Variants in NPAS3 observed in about 807,000 individuals in gnomAD.
NPAS3 encodes neuronal PAS domain-containing protein 3.
Under a neutral mutation model 73.1 loss-of-function variants are expected in NPAS3, and 14 were observed. The ratio of observed to expected loss-of-function variants is 0.19; its 90% CI spans 0.13 to 0.30. The LOEUF is 0.30. Ranked by LOEUF, NPAS3 falls within the 10% of genes least tolerant of loss-of-function variation. The probability of loss-of-function intolerance (pLI) is 1.00; values close to 1 mark genes in which losing one functional copy is unlikely to be tolerated. For synonymous variants in NPAS3, 620 were observed against 541.5 expected (o/e 1.14, Z -2.01); for missense variants, 1,096 against 1,250.0 (o/e 0.88, Z 1.86).
chr14:33,663,639 C>T (rs1218675402), intron 5 of NPAS3, among the ~76,000 whole-genome samples: 1 of 151,970 alleles, frequency 6.6e-6, no homozygotes, highest in Non-Finnish European at 1.5e-5. Context: ...CTCTTTGTAC[C>T]TCTGGTAGAA....
chr14:33,647,117 G>T (rs2058851124), intron 5 of NPAS3, among the ~76,000 whole-genome samples: 1 of 152,034 alleles, frequency 6.6e-6, no homozygotes, highest in Non-Finnish European at 1.5e-5. Context: ...ATGTCCTTAG[G>T]CTCAACTGTG....
chr14:33,730,247 C>T (rs940994351), intron 6 of NPAS3, among the ~76,000 whole-genome samples: 1 of 152,098 alleles, frequency 6.6e-6, no homozygotes, highest in African/African-American at 2.4e-5. Context: ...ACTGTAAGAA[C>T]AGTATATTGG....
At chr14:33,176,171 C>A (rs2045582512) in intron 2 of NPAS3, among the ~76,000 whole-genome samples, 1 of 151,920 alleles carries the variant, frequency 6.6e-6, no homozygotes, top group South Asian at 2.1e-4. Flanking sequence ...AGAGAACAAC[C>A]AAAAAAACTA....
chr14:33,375,647 A>G (rs1224641976), intron 4 of NPAS3, among the ~76,000 whole-genome samples: 1 of 152,188 alleles, frequency 6.6e-6, no homozygotes, highest in African/African-American at 2.4e-5. Flanking sequence ...ATGAAAAAGA[A>G]AAGTAGAAAT....
intron 9 of NPAS3, among the ~76,000 whole-genome samples, chr14:33,790,191 T>C (rs1387411900): frequency 6.6e-6 from 1 of 152,242 alleles, no homozygotes; most frequent in Non-Finnish European, 1.5e-5. Context: ...CTATCTCTTT[T>C]CAAGGGACAA....
At chr14:32,939,281 G>A (rs1383989221), upstream of NPAS3, 9 of 708,122 alleles carry the variant, frequency 1.3e-5, no homozygotes, top group Non-Finnish European at 2.2e-5. Flanking sequence ...GGGGGAGAGA[G>A]GCAAAAAGTA....
chr14:33,375,321 G>T (rs1279579087), intron 4 of NPAS3, among the ~76,000 whole-genome samples: 1 of 152,122 alleles, frequency 6.6e-6, no homozygotes, highest in Non-Finnish European at 1.5e-5. Context: ...TGCCTCTACA[G>T]GGATTTTTCA....
intron 3 of NPAS3, among the ~76,000 whole-genome samples, chr14:33,242,119 T>G (rs2139834068): frequency 6.6e-6 from 1 of 152,046 alleles, no homozygotes; most frequent in East Asian, 1.9e-4. Context: ...TTTGGCTATC[T>G]TATGATTCTT....
At chr14:33,722,550 G>A (rs1427286243) in intron 6 of NPAS3, among the ~76,000 whole-genome samples, 1 of 152,106 alleles carries the variant, frequency 6.6e-6, no homozygotes, top group African/African-American at 2.4e-5. Context: ...TTATAATGAT[G>A]AAGCCTTGTT....
intron 1 of NPAS3, among the ~76,000 whole-genome samples, chr14:33,023,507 G>A (rs541553434): frequency 6.6e-6 from 1 of 152,042 alleles, no homozygotes; most frequent in South Asian, 2.1e-4. Flanking sequence ...AGATCTGTAG[G>A]CTGTTAACAA....
At chr14:33,527,564 A>G (rs1273854588) in intron 4 of NPAS3, among the ~76,000 whole-genome samples, 2 of 152,162 alleles carry the variant, frequency 1.3e-5, no homozygotes, top group Admixed American at 6.6e-5. Context: ...CACACCCGTT[A>G]TGAGTTACTG....
At chr14:33,664,922 G>GCCACACTGTC (rs1264594113) in intron 5 of NPAS3, among the ~76,000 whole-genome samples, 69 of 152,286 alleles carry the variant, frequency 4.5e-4, no homozygotes, top group African/African-American at 1.6e-3. Flanking sequence ...GTGTAAACTC[G>GCCACACTGTC]TTCAACCATT....
chr14:33,765,081 C>A (rs1346766821), intron 7 of NPAS3, among the ~76,000 whole-genome samples: 2 of 152,064 alleles, frequency 1.3e-5, no homozygotes, highest in African/African-American at 4.8e-5. Context: ...GAACAGGAAG[C>A]TAATGGGGGG....
chr14:32,935,052 G>T (rs2035654283), upstream of NPAS3: 2 of 1,158,754 alleles, frequency 1.7e-6, no homozygotes, highest in Admixed American at 4.0e-5. Flanking sequence ...CCGGGGTGCT[G>T]GGGTGGGACT....
rs144201654 is a variant in NPAS3 at position 33,219,109 on chromosome 14, A to T, written c.385+3683A>T. ...ATTCAAGAAATGACCAGGCATTCTC[A>T]GCAGTGTTTCAGCTAAATAACTGAT... On this transcript the variant is annotated intron_variant, in intron 3 of 11. Coordinates refer to ENST00000356141, the Ensembl canonical transcript of NPAS3. Among the ~76,000 whole-genome samples the T allele has an allele frequency of 5.4e-4, 83 of 152,352 alleles. 1 individual carries two copies. Among genetic ancestry groups the T allele is most frequent in the African/African-American group, 1.9e-3 (79 of 41,596 alleles).
chr14:33,733,313 G>GAA (rs58483708), intron 6 of NPAS3, among the ~76,000 whole-genome samples: 1 of 139,978 alleles, frequency 7.1e-6, no homozygotes, highest in South Asian at 2.3e-4. Flanking sequence ...TCCTTGGGAG[G>GAA]AAAAAAAAAA....
At chr14:33,151,805 CTATA>C (rs2044454402) in intron 2 of NPAS3, among the ~76,000 whole-genome samples, 1 of 151,998 alleles carries the variant, frequency 6.6e-6, no homozygotes, top group South Asian at 2.1e-4. Context: ...TGGAAAGAGA[CTATA>C]TAATAAAAAT....
chr14:33,657,285 AGAG>A (rs1231867406), intron 5 of NPAS3, among the ~76,000 whole-genome samples: 2 of 152,188 alleles, frequency 1.3e-5, no homozygotes, highest in Non-Finnish European at 2.9e-5. Flanking sequence ...AGGGTCCCAG[AGAG>A]GAGAGAGGCC....
chr14:33,758,271 G>T (rs1036318864), intron 7 of NPAS3, among the ~76,000 whole-genome samples: 8 of 152,144 alleles, frequency 5.3e-5, no homozygotes, highest in Admixed American at 4.6e-4. Flanking sequence ...CTGTGCTTTT[G>T]CTTATAATAG....
Sources: gnomAD v4.1 joint callset for allele counts (sites outside exome capture counted in the v4.1 genomes callset) on GRCh38, gnomAD v4.1.1 for gene constraint, MANE v1.5 for transcripts, NCBI Gene and HGNC (gene_info 2026-07-23, HGNC 2026-07-21) for gene names.